Variants in COG2 observed in about 807,000 individuals in gnomAD.
COG2 encodes the protein component of oligomeric golgi complex 2.
COG2 carries 52 observed loss-of-function variants against 90.6 expected under a neutral mutation model. The ratio of observed to expected loss-of-function variants is 0.57; its 90% CI spans 0.46 to 0.72. The LOEUF (loss-of-function observed/expected upper bound fraction) is 0.72. Among genes scored for constraint, COG2 ranks in the 30% least tolerant of loss-of-function variants. The probability of loss-of-function intolerance (pLI) is 0.00; values close to 1 mark genes in which losing one functional copy is unlikely to be tolerated. For missense variants in COG2, 829 were observed against 891.2 expected, an observed-to-expected ratio of 0.93 and a Z score of 0.89; for synonymous variants, 337 against 320.4, an observed-to-expected ratio of 1.05 and a Z score of -0.55.
chr1:230,659,385 A>C, intron 1 of COG2, 79 bp from the exon 2 acceptor site: 5 of 1,169,034 alleles, frequency 4.3e-6, no homozygotes, highest in Non-Finnish European at 6.3e-6. Context: ...GGGCTTTCTT[A>C]CTCTTTCTTC....
chr1:230,690,222 A>C, intron 16 of COG2, 69 bp downstream of exon 16: 1 of 1,383,728 alleles, frequency 7.2e-7, no homozygotes, highest in Non-Finnish European at 1.0e-6. Flanking sequence ...CCCCAAGGCA[A>C]TCAAGCACTG....
intron 1 of COG2, among the ~76,000 whole-genome samples, chr1:230,653,427 G>A (rs2102744717): frequency 6.6e-6 from 1 of 151,946 alleles, no homozygotes; most frequent in South Asian, 2.1e-4. Flanking sequence ...CGCCGTGTTG[G>A]CCAGGCTGGT....
In COG2 at chr1:230,678,479, T is replaced by C. The variant is rs1662653122; in HGVS notation, c.1027-434T>C. 7.1e-6 allele frequency: 7 copies of C among 985,340 alleles called. No individual in the cohort carries two copies. In the South Asian group the frequency reaches 3.3e-4, roughly 46 times the overall value. 61.0% of individuals were successfully genotyped at this position (985,340 alleles called of 1,614,324 possible). On this transcript the variant is annotated intron_variant, in intron 9 of 17. Transcript: ENST00000366669. ...TTTCATGCTATCTTATTTATAAAAA[T>C]GAAGTGAATACTCACATGGTTTGAT...
chr1:230,678,803 CTG>C (rs1339328956), intron 9 of COG2, 108 bp from the exon 10 acceptor site: 5 of 1,573,776 alleles, frequency 3.2e-6, no homozygotes, highest in African/African-American at 2.7e-5. Context: ...ACTCTAGAAA[CTG>C]TGATTCTTAC....
intron 9 of COG2, chr1:230,678,222 C>T: frequency 2.0e-6 from 2 of 985,422 alleles, no homozygotes; most frequent in Non-Finnish European, 2.4e-6. Context: ...GACTAGCATT[C>T]TGCTTCCTCT....
intron 10 of COG2, chr1:230,680,197 T>G (rs1473632872): frequency 1.3e-5 from 2 of 152,224 alleles, no homozygotes; most frequent in Non-Finnish European, 2.9e-5. Flanking sequence ...TGAGCAGGAT[T>G]TAAAATAGCA....
chr1:230,662,594 T>G (rs879638527), intron 3 of COG2, among the ~76,000 whole-genome samples: 1 of 152,192 alleles, frequency 6.6e-6, no homozygotes, highest in Admixed American at 6.5e-5. Flanking sequence ...CATGATATAT[T>G]AGTACTTAAA....
chr1:230,683,306 T>G, intron 10 of COG2: 1 of 353,968 alleles, frequency 2.8e-6, no homozygotes, highest in Non-Finnish European at 5.2e-6. Context: ...TAACTGGCAG[T>G]TTGTTTAATT....
intron 1 of COG2, among the ~76,000 whole-genome samples, chr1:230,653,480 C>G (rs1256355297): frequency 5.4e-5 from 3 of 55,120 alleles, no homozygotes. Context: ...CTCAGCCTCT[C>G]AAAGCGCTGG....
chr1:230,674,905 CTG>C, intron 8 of COG2, 91 bp from the exon 9 acceptor site: 1 of 953,654 alleles, frequency 1.0e-6, no homozygotes, highest in Non-Finnish European at 1.5e-6. Context: ...AAGTTTTAGA[CTG>C]CGGATCTTTT....
At chr1:230,659,704 GT>G in intron 2 of COG2, 79 bp downstream of exon 2, 2 of 1,446,578 alleles carry the variant, frequency 1.4e-6, no homozygotes, top group Non-Finnish European at 1.9e-6. Context: ...AGTGTTGTGT[GT>G]TTTTAGAAAC....
chr1:230,660,191 C>G (rs1662149910), intron 2 of COG2, among the ~76,000 whole-genome samples: 1 of 152,138 alleles, frequency 6.6e-6, no homozygotes, highest in Non-Finnish European at 1.5e-5. Flanking sequence ...TTTTAAAACT[C>G]TCTCCAAAGA....
At chr1:230,652,957 C>G (rs940886766) in intron 1 of COG2, among the ~76,000 whole-genome samples, 1 of 152,074 alleles carries the variant, frequency 6.6e-6, no homozygotes, top group African/African-American at 2.4e-5. Context: ...TTACCATAAT[C>G]AAGGTAATGT....
At chr1:230,664,608 A>G (rs781183099) in intron 5 of COG2, 21 bp downstream of exon 5, 1 of 1,237,090 alleles carries the variant, frequency 8.1e-7, no homozygotes, top group South Asian at 1.3e-5. Context: ...TTTATTAAAT[A>G]ACTCGTAAAT....
intron 3 of COG2, among the ~76,000 whole-genome samples, chr1:230,662,162 C>CCAG (rs1287318509): frequency 4.6e-5 from 7 of 152,152 alleles, no homozygotes; most frequent in Non-Finnish European, 8.8e-5. Flanking sequence ...TTGCCACCTG[C>CCAG]CAGCACCATA....
chr1:230,662,067 C>T (rs555581701), intron 3 of COG2, among the ~76,000 whole-genome samples: 8 of 152,114 alleles, frequency 5.3e-5, no homozygotes, highest in Admixed American at 5.2e-4. Flanking sequence ...TCTCCAAATT[C>T]TCTCCCATGG....
intron 12 of COG2, among the ~76,000 whole-genome samples, chr1:230,685,885 G>A (rs920155704): frequency 6.6e-6 from 1 of 152,068 alleles, no homozygotes; most frequent in African/African-American, 2.4e-5. Context: ...CAGACACTCA[G>A]GTAAACCAGT....
At chr1:230,662,885 C>G (rs1162222506) in intron 3 of COG2, among the ~76,000 whole-genome samples, 1 of 152,192 alleles carries the variant, frequency 6.6e-6, no homozygotes, top group Non-Finnish European at 1.5e-5. Flanking sequence ...TTTCTTTACC[C>G]TGACCACCTG....
At chr1:230,670,172 T>C (rs1662415020) in intron 7 of COG2, 1 of 152,236 alleles carries the variant, frequency 6.6e-6, no homozygotes, top group Non-Finnish European at 1.5e-5. Flanking sequence ...ATAGTTAAAA[T>C]GTAGGAAACA....
Sources: gnomAD v4.1 joint callset for allele counts (sites outside exome capture counted in the v4.1 genomes callset) on GRCh38, gnomAD v4.1.1 for gene constraint, MANE v1.5 for transcripts, NCBI Gene and HGNC (gene_info 2026-07-23, HGNC 2026-07-21) for gene names.